PCDHA10: variants seen among roughly 807,000 people sequenced by gnomAD.
PCDHA10 encodes the protein protocadherin alpha-10.
PCDHA10 carries 45 observed loss-of-function variants against 61.2 expected under a neutral mutation model. The observed-to-expected ratio is 0.74, with a 90% CI of 0.58 to 0.94. PCDHA10 has a LOEUF of 0.94. Among genes scored for constraint, PCDHA10 ranks in the 40% least tolerant of loss-of-function variants. The probability of loss-of-function intolerance (pLI) is 0.00; values close to 1 mark genes in which losing one functional copy is unlikely to be tolerated. For synonymous variants in PCDHA10, 602 were observed against 548.8 expected, an observed-to-expected ratio of 1.10 and a Z score of -1.35; for missense variants, 1,278 against 1,236.2, an observed-to-expected ratio of 1.03 and a Z score of -0.51.
At position 141,011,460 on chromosome 5, in the gene PCDHA10, T is replaced by G. The variant is rs1285322141; in HGVS notation, c.*1523T>G. 6.5e-6 allele frequency: 1 copy of G among 153,832 alleles called. No homozygotes were observed. The highest frequency in any genetic ancestry group is 2.4e-5 in the African/African-American group (1 of 41,470). 9.5% of individuals were successfully genotyped at this position (153,832 alleles called of 1,614,324 possible). On this transcript the variant is annotated 3_prime_UTR_variant, in exon 4 of 4. Coordinates refer to ENST00000307360, the MANE Select transcript of PCDHA10 (RefSeq NM_018901.4). The stretch of plus-strand genomic sequence containing the variant: ...TAGAGTGAACTTTAAGCTTTATTGT[T>G]GAATGTAATTCCATTATATTTCCTT...
At chr5:140,972,829 A>T (rs1554234573) in intron 1 of PCDHA10, among the ~76,000 whole-genome samples, 2 of 151,928 alleles carry the variant, frequency 1.3e-5, no homozygotes, top group African/African-American at 4.8e-5. Flanking sequence ...ACGCCTGGCT[A>T]ATTTTTGTAT....
In PCDHA10 at chr5:140,894,992, T is replaced by C. The variant is rs78280553; in HGVS notation, c.2388+36556T>C. Among the ~76,000 whole-genome samples, 440 of 152,300 alleles carry C rather than the reference T, an allele frequency of 2.9e-3. 1 individual carries two copies. The highest frequency in any genetic ancestry group is 0.01 in the African/African-American group (421 of 41,556). On this transcript the variant is annotated intron_variant, in intron 1 of 3. Transcript: ENST00000307360. ...TAATGTCTTACTTTGTGACATCCTT[T>C]ACCCTTTTTACTTGGACCTTTTTCC...
intron 1 of PCDHA10, among the ~76,000 whole-genome samples, chr5:140,895,293 G>A (rs759197253): frequency 5.9e-5 from 9 of 151,430 alleles, no homozygotes; most frequent in African/African-American, 9.7e-5. Flanking sequence ...TAGGACCTTC[G>A]ATTTCCCCCC....
intron 2 of PCDHA10, among the ~76,000 whole-genome samples, chr5:140,981,993 G>A (rs533430599): frequency 6.6e-6 from 1 of 152,272 alleles, no homozygotes; most frequent in Admixed American, 6.5e-5. Flanking sequence ...TAGAAAATAA[G>A]GTTAAGAATT....
At chr5:140,908,049 G>A (rs563362239) in intron 1 of PCDHA10, among the ~76,000 whole-genome samples, 19 of 152,210 alleles carry the variant, frequency 1.2e-4, no homozygotes, top group Admixed American at 1.0e-3. Flanking sequence ...TTGCACATCC[G>A]GCCATTTCTC....
chr5:141,005,142 T>C (rs1554259898), intron 3 of PCDHA10, among the ~76,000 whole-genome samples: 1 of 152,234 alleles, frequency 6.6e-6, no homozygotes, highest in African/African-American at 2.4e-5. Flanking sequence ...ATTGGAGAGT[T>C]GTTTGGTCTG....
At chr5:140,897,222 G>A (rs2065939417) in intron 1 of PCDHA10, among the ~76,000 whole-genome samples, 1 of 151,978 alleles carries the variant, frequency 6.6e-6, no homozygotes, top group Non-Finnish European at 1.5e-5. Context: ...TAGGGTACAT[G>A]TGCACAATGT....
chr5:140,958,419 A>C (rs1275772647), intron 1 of PCDHA10, among the ~76,000 whole-genome samples: 1 of 152,196 alleles, frequency 6.6e-6, no homozygotes, highest in Non-Finnish European at 1.5e-5. Flanking sequence ...GCTTGGAAAG[A>C]AGCACTTTTT....
chr5:140,861,259 G>A (rs1180244061), intron 1 of PCDHA10: 2 of 166,330 alleles, frequency 1.2e-5, no homozygotes, highest in Non-Finnish European at 2.6e-5. Flanking sequence ...AGGAATCCCG[G>A]AGCCTACAGC....
At chr5:140,929,424 A>G in intron 1 of PCDHA10, 1 of 1,496,380 alleles carries the variant, frequency 6.7e-7, no homozygotes, top group East Asian at 2.3e-5. Flanking sequence ...ACATTTCATC[A>G]ATTGAACTAA....
chr5:140,970,026 T>A (rs2153783055), intron 1 of PCDHA10, among the ~76,000 whole-genome samples: 1 of 152,304 alleles, frequency 6.6e-6, no homozygotes, highest in Non-Finnish European at 1.5e-5. Context: ...GGCAGAGAGA[T>A]TAAGTACCAA....
chr5:140,980,714 G>A (rs958793243), intron 2 of PCDHA10, among the ~76,000 whole-genome samples: 7 of 151,264 alleles, frequency 4.6e-5, no homozygotes, highest in African/African-American at 9.7e-5. Context: ...GCTCCTATTC[G>A]GGTTTCAATT....
intron 1 of PCDHA10, chr5:140,870,955 C>A (rs782342308): frequency 1.9e-6 from 3 of 1,613,632 alleles, no homozygotes; most frequent in Non-Finnish European, 2.5e-6. Flanking sequence ...GGGCGGCTCG[C>A]GCATCCCGTT....
chr5:141,010,470 G>A lies in PCDHA10; in HGVS notation c.*533G>A. ...ACAGCGGAAGTTATCAGTATGGAGG[G>A]GAAGTGTAAACTTAAAGGGACCAGA... On this transcript the variant is annotated 3_prime_UTR_variant, in exon 4 of 4. Transcript: ENST00000307360. The A allele has an allele frequency of 2.6e-6, 2 of 780,290 alleles. No homozygotes were observed. The highest frequency in any genetic ancestry group is 3.0e-5 in the East Asian group (1 of 33,872). 48.3% of individuals were successfully genotyped at this position (780,290 alleles called of 1,614,324 possible).
chr5:140,889,265 A>G (rs900785254), intron 1 of PCDHA10, among the ~76,000 whole-genome samples: 7 of 151,968 alleles, frequency 4.6e-5, no homozygotes, highest in African/African-American at 2.4e-5. Context: ...AAAAGTTTGT[A>G]TAATCTTTGA....
In PCDHA10 at chr5:140,902,128, A is replaced by G. The variant is rs140093707; in HGVS notation, c.2388+43692A>G. 5.8e-3 allele frequency among the ~76,000 whole-genome samples: 872 copies of G among 150,980 alleles called. 10 individuals carry two copies. The highest frequency in any genetic ancestry group is 0.019 in the African/African-American group (793 of 41,220). ...ATTTTTTTAAAACTGAGATTATATCATCTGCAAACAAGGATAATTTGATTT... is the reference window on the plus strand; with the variant it reads ...ATTTTTTTAAAACTGAGATTATATCGTCTGCAAACAAGGATAATTTGATTT... On this transcript the variant is annotated intron_variant, in intron 1 of 3. Coordinates refer to ENST00000307360, the MANE Select transcript of PCDHA10 (RefSeq NM_018901.4).
At chr5:140,875,951 C>A (rs1292449525) in intron 1 of PCDHA10, 2 of 1,614,116 alleles carry the variant, frequency 1.2e-6, no homozygotes, top group East Asian at 2.2e-5. Flanking sequence ...GCTTCTGATG[C>A]GGATATCGGC....
In PCDHA10 at chr5:140,856,991, T is replaced by A; in HGVS notation, c.943T>A (p.Tyr315Asn). ...DAIDFEDSNT[Y>N]EIHVDVTDKG... ...TATTGACTTTGAGGACAGTAACACTTATGAAATTCATGTAGATGTTACAGA... is the reference window on the plus strand; with the variant it reads ...TATTGACTTTGAGGACAGTAACACTAATGAAATTCATGTAGATGTTACAGA... Residue 315 changes from tyrosine to asparagine, a missense_variant, in exon 1 of 4, where the codon TAT (tyrosine) becomes AAT (asparagine). Coordinates refer to ENST00000307360, the MANE Select transcript of PCDHA10 (RefSeq NM_018901.4). 1 of 1,595,770 alleles carries A rather than the reference T, an allele frequency of 6.3e-7. No homozygotes were observed. The highest frequency in any genetic ancestry group is 8.6e-7 in the Non-Finnish European group (1 of 1,165,494).
intron 1 of PCDHA10, chr5:140,883,461 T>C: frequency 2.5e-6 from 4 of 1,614,144 alleles, no homozygotes; most frequent in Non-Finnish European, 3.4e-6. Context: ...TTCAAGCTGG[T>C]GTCCACCTAC....
Sources: allele counts gnomAD v4.1 joint callset (sites outside exome capture counted in the v4.1 genomes callset), GRCh38; gene constraint gnomAD v4.1.1; transcripts MANE v1.5; gene names NCBI Gene and HGNC (gene_info 2026-07-23, HGNC 2026-07-21).